Variants in CPVL observed in about 807,000 individuals in gnomAD.
CPVL encodes carboxypeptidase vitellogenic like.
CPVL carries 51 observed loss-of-function variants against 63.7 expected under a neutral mutation model. The observed-to-expected ratio is 0.80, with a 90% CI of 0.64 to 1.01. The LOEUF (loss-of-function observed/expected upper bound fraction) is 1.01, where lower values mean the gene tolerates loss of function less well. CPVL is among the 50% of genes least tolerant of loss of function. The pLI is 0.00. For missense variants in CPVL, 530 were observed against 573.1 expected (o/e 0.92, Z 0.77); for synonymous variants, 195 against 206.0 (o/e 0.95, Z 0.46).
chr7:29,089,385 G>A (rs974044066), intron 6 of CPVL, among the ~76,000 whole-genome samples: 2 of 152,072 alleles, frequency 1.3e-5, no homozygotes, highest in East Asian at 1.9e-4. Context: ...CAGGATAATC[G>A]AGTTTCAGAT....
intron 1 of CPVL, among the ~76,000 whole-genome samples, chr7:29,129,856 C>G (rs904490167): frequency 3.3e-5 from 5 of 152,108 alleles, no homozygotes; most frequent in South Asian, 2.1e-4. Context: ...CAATATAACT[C>G]GTGTCCTTAT....
rs114210937 is a variant in CPVL at position 29,008,265 on chromosome 7, C to A, written c.1321-12383G>T. On this transcript the variant is annotated intron_variant, in intron 12 of 12. Transcript: ENST00000265394. The stretch of plus-strand genomic sequence containing the variant: ...TTAAGGTTGGGAAAGGAAACAGAGG[C>A]CAGATCAAATCTTTTCATTAATCCA... 9.0e-3 allele frequency among the ~76,000 whole-genome samples: 1,372 copies of A among 152,204 alleles called. 25 individuals are homozygous for A. Among genetic ancestry groups the A allele is most frequent in the African/African-American group, 0.032 (1,317 of 41,520 alleles).
intron 11 of CPVL, among the ~76,000 whole-genome samples, chr7:29,049,733 T>C (rs1789965153): frequency 6.6e-6 from 1 of 152,106 alleles, no homozygotes; most frequent in Non-Finnish European, 1.5e-5. Flanking sequence ...TACAGACTGA[T>C]ATACCTGATG....
chr7:29,127,155 T>G (rs969346438), intron 1 of CPVL, among the ~76,000 whole-genome samples: 4 of 152,160 alleles, frequency 2.6e-5, no homozygotes, highest in African/African-American at 9.7e-5. Context: ...TAATATAATC[T>G]GACACCACAG....
intron 12 of CPVL, among the ~76,000 whole-genome samples, chr7:29,029,305 T>G (rs1250562884): frequency 3.3e-5 from 5 of 152,182 alleles, no homozygotes; most frequent in Non-Finnish European, 7.4e-5. Context: ...CTACTTGATA[T>G]TTTTCTAAAG....
chr7:29,050,661 A>G (rs1790055732), intron 11 of CPVL, among the ~76,000 whole-genome samples: 1 of 152,148 alleles, frequency 6.6e-6, no homozygotes, highest in Non-Finnish European at 1.5e-5. Context: ...GAAAATGACC[A>G]TATTGCCAAA....
At chr7:29,112,973 T>G (rs1364512788) in intron 2 of CPVL, 151 bp from the exon 3 acceptor site, 8 of 591,098 alleles carry the variant, frequency 1.4e-5, no homozygotes, top group Non-Finnish European at 2.1e-5. Flanking sequence ...AATTCCAGCC[T>G]GCCCCTGGCC....
At chr7:29,138,703 C>G (rs1353108190) in intron 1 of CPVL, among the ~76,000 whole-genome samples, 1 of 152,162 alleles carries the variant, frequency 6.6e-6, no homozygotes, top group African/African-American at 2.4e-5. Flanking sequence ...CACTCTGCAG[C>G]TGCAGTATGA....
intron 11 of CPVL, among the ~76,000 whole-genome samples, chr7:29,060,309 A>G (rs1234767482): frequency 1.3e-5 from 2 of 152,216 alleles, no homozygotes; most frequent in African/African-American, 4.8e-5. Flanking sequence ...CAAAGCGCAG[A>G]GAGTTTAAGT....
At chr7:29,155,415 G>C (rs1051040111) in intron 5 of CPVL, among the ~76,000 whole-genome samples, 3 of 152,192 alleles carry the variant, frequency 2.0e-5, no homozygotes, top group African/African-American at 4.8e-5. Flanking sequence ...GTCATGCTAA[G>C]TGTATCACAC....
chr7:29,154,555 T>C (rs1794071200), intron 5 of CPVL, among the ~76,000 whole-genome samples: 1 of 152,072 alleles, frequency 6.6e-6, no homozygotes, highest in African/African-American at 2.4e-5. Flanking sequence ...ATTATTAGGC[T>C]GGGCACGGTG....
At chr7:29,134,898 G>A (rs887042980) in intron 1 of CPVL, among the ~76,000 whole-genome samples, 6 of 151,956 alleles carry the variant, frequency 3.9e-5, no homozygotes, top group African/African-American at 1.5e-4. Context: ...CCAGGAGTTC[G>A]AGACCAGCCT....
At chr7:29,161,541 G>C (rs867448616) in intron 5 of CPVL, among the ~76,000 whole-genome samples, 64 of 152,040 alleles carry the variant, frequency 4.2e-4, no homozygotes, top group African/African-American at 1.5e-3. Flanking sequence ...CCTGGTCCTG[G>C]TTATTGTGGT....
chr7:29,055,873 T>C (rs542145879), intron 11 of CPVL, among the ~76,000 whole-genome samples: 47 of 152,346 alleles, frequency 3.1e-4, no homozygotes, highest in Non-Finnish European at 6.2e-4. Flanking sequence ...TATCCTGAAT[T>C]CAATTGTATT....
intron 9 of CPVL, among the ~76,000 whole-genome samples, chr7:29,066,792 G>C (rs974232983): frequency 1.3e-5 from 2 of 152,176 alleles, no homozygotes; most frequent in African/African-American, 4.8e-5. Context: ...CCAGCTGAGC[G>C]GGAGAGCAGT....
chr7:29,081,639 G>A (rs535171366), intron 7 of CPVL, among the ~76,000 whole-genome samples: 6 of 152,294 alleles, frequency 3.9e-5, no homozygotes, highest in Admixed American at 2.6e-4. Context: ...AGAGTAGAGG[G>A]GGAAATGCCA....
At chr7:29,053,089 A>G (rs1159977698) in intron 11 of CPVL, among the ~76,000 whole-genome samples, 1 of 152,234 alleles carries the variant, frequency 6.6e-6, no homozygotes, top group Admixed American at 6.5e-5. Flanking sequence ...GGAAATGCCA[A>G]TCAAAGCCCA....
intron 5 of CPVL, among the ~76,000 whole-genome samples, chr7:29,172,009 A>C (rs894214719): frequency 6.6e-6 from 1 of 152,208 alleles, no homozygotes; most frequent in African/African-American, 2.4e-5. Context: ...GGTGGTACAC[A>C]GGAGAAAAAA....
intron 12 of CPVL, among the ~76,000 whole-genome samples, chr7:29,003,391 A>G (rs1784865006): frequency 6.6e-6 from 1 of 152,236 alleles, no homozygotes; most frequent in South Asian, 2.1e-4. Flanking sequence ...ATAGAAATGA[A>G]GACCTTGTAA....
Sources: gnomAD v4.1 joint callset for allele counts (sites outside exome capture counted in the v4.1 genomes callset) on GRCh38, gnomAD v4.1.1 for gene constraint, MANE v1.5 for transcripts, NCBI Gene and HGNC (gene_info 2026-07-23, HGNC 2026-07-21) for gene names.